The following ZNF112 variants were observed in gnomAD, a reference collection of about 807,000 sequenced individuals.
ZNF112 encodes the protein zinc finger protein 112 (Y14).
In ZNF112, 37 loss-of-function variants were observed where a neutral mutation model predicts 77.7. The ratio of observed to expected loss-of-function variants is 0.48; its 90% CI spans 0.37 to 0.63. ZNF112 has a LOEUF of 0.63. Among genes scored for constraint, ZNF112 ranks in the 20% least tolerant of loss-of-function variants. The pLI is 0.00. For synonymous variants in ZNF112, 333 were observed against 363.6 expected (o/e 0.92, Z 0.96); for missense variants, 950 against 1,077.4 (o/e 0.88, Z 1.66).
chr19:44,359,265 G>GCTGCAGTTGCTATTTC (rs1472352868), upstream of ZNF112, among the ~76,000 whole-genome samples: 1 of 146,100 alleles, frequency 6.8e-6, no homozygotes, highest in African/African-American at 2.5e-5. Flanking sequence ...GTTGCTGCTT[G>GCTGCAGTTGCTATTTC]CTGCAGTTGC....
chr19:44,335,634 A>G (rs1265050559), intron 3 of ZNF112, among the ~76,000 whole-genome samples: 4 of 152,192 alleles, frequency 2.6e-5, no homozygotes, highest in Non-Finnish European at 5.9e-5. Flanking sequence ...GGTGTAAGAA[A>G]AACAAAGACT....
intron 3 of ZNF112, among the ~76,000 whole-genome samples, chr19:44,334,061 A>G (rs2123154021): frequency 6.6e-6 from 1 of 152,330 alleles, no homozygotes; most frequent in South Asian, 2.1e-4. Flanking sequence ...GTGGTCTCAG[A>G]TGGAGATGAG....
At chr19:44,365,621 GATGAATTT>G (rs2123233777) in intron 1 of ZNF112, among the ~76,000 whole-genome samples, 1 of 152,160 alleles carries the variant, frequency 6.6e-6, no homozygotes, top group Non-Finnish European at 1.5e-5. Flanking sequence ...CATGTAAATT[GATGAATTT>G]ATGGACAAAG....
At chr19:44,352,968 ATAAATAAGC>A (rs1477835737) in intron 1 of ZNF112, among the ~76,000 whole-genome samples, 1 of 152,116 alleles carries the variant, frequency 6.6e-6, no homozygotes. Flanking sequence ...TTTGGTAGAT[ATAAATAAGC>A]TGATTCTAAA....
chr19:44,346,830 G>A (rs1568672292), intron 1 of ZNF112, among the ~76,000 whole-genome samples: 1 of 152,162 alleles, frequency 6.6e-6, no homozygotes, highest in Non-Finnish European at 1.5e-5. Flanking sequence ...ATAAGCAGCA[G>A]AAGCATCTGC....
At chr19:44,330,294 T>C (rs112614032) in intron 3 of ZNF112, among the ~76,000 whole-genome samples, 282 of 152,304 alleles carry the variant, frequency 1.9e-3, no homozygotes, top group Non-Finnish European at 2.2e-3. Flanking sequence ...TACAAAACAC[T>C]TCTGGTCCCA....
At chr19:44,343,134 TA>T in intron 1 of ZNF112, 1 of 1,089,870 alleles carries the variant, frequency 9.2e-7, no homozygotes, top group Non-Finnish European at 1.3e-6. Context: ...GCCTGATACA[TA>T]AATGATACTA....
intron 1 of ZNF112, among the ~76,000 whole-genome samples, chr19:44,345,498 C>T (rs1286695608): frequency 2.6e-5 from 4 of 152,154 alleles, no homozygotes; most frequent in South Asian, 4.1e-4. Flanking sequence ...CTCTGATCAC[C>T]TTTATCAAGC....
upstream of ZNF112, among the ~76,000 whole-genome samples, chr19:44,361,102 A>C (rs1349453338): frequency 6.6e-6 from 1 of 152,224 alleles, no homozygotes; most frequent in Non-Finnish European, 1.5e-5. Flanking sequence ...CAGTAGATGC[A>C]GTGTGATTCC....
intron 3 of ZNF112, among the ~76,000 whole-genome samples, chr19:44,331,273 C>G (rs1002135280): frequency 1.3e-5 from 2 of 152,284 alleles, no homozygotes; most frequent in Non-Finnish European, 1.5e-5. Flanking sequence ...CTCTGAGGTG[C>G]TCATTAGCCA....
At chr19:44,336,148 C>A (rs1970361285) in intron 3 of ZNF112, among the ~76,000 whole-genome samples, 1 of 152,078 alleles carries the variant, frequency 6.6e-6, no homozygotes, top group African/African-American at 2.4e-5. Context: ...TAATGGCTAC[C>A]CATCTATGAA....
rs1970167468 is a variant in ZNF112, at chr19:44,328,083, A to T, written c.2074T>A (p.Cys692Ser). ...TGEKPYQCDE[C>S]GKSFSQRSYL... ...GATCTCTGACTGAAACTCTTACCAC[A>T]CTCATCACATTGGTATGGCTTCTCT... The change falls in exon 4 of 4, where the codon TGT becomes AGT. Residue 692 changes from cysteine (C) to serine (S), a missense_variant. Transcript: ENST00000354340. 2 of 1,613,524 alleles carry T rather than the reference A, an allele frequency of 1.2e-6. No individual in the cohort carries two copies. Among genetic ancestry groups the T allele is most frequent in the African/African-American group, 1.3e-5 (1 of 74,736 alleles).
chr19:44,343,435 T>C lies in ZNF112; in HGVS notation c.-3-2893A>G, dbSNP rs374452129. The C allele has an allele frequency of 1.3e-5, 9 of 687,874 alleles. No individual in the cohort carries two copies. In the African/African-American group the frequency reaches 1.5e-4, roughly 11 times the overall value. 42.6% of individuals were successfully genotyped at this position (687,874 alleles called of 1,614,324 possible). ...CACCGGCGTTAAGGAGCAGGTAGCA[T>C]GGGTTGGATTCTAGCTACCACTTGG... On this transcript the variant is annotated intron_variant, in intron 1 of 3. Transcript: ENST00000354340.
rs1599904595 is a variant in ZNF112 at position 44,327,368 on chromosome 19, T to A, written c.*65A>T. The A allele has an allele frequency of 4.4e-6, 6 of 1,351,846 alleles. No homozygotes were observed. Among genetic ancestry groups the A allele is most frequent in the Non-Finnish European group, 6.0e-6 (6 of 1,004,160 alleles). The allele number at this position is 1,351,846 out of a possible 1,614,324, so 83.7% of individuals were successfully genotyped here. A position where few individuals can be genotyped will look rare whatever the true frequency, so the allele number is the denominator to read the frequency against. ...GGCAGCAACATTACATTTTAATTTT[T>A]AAAAATTCTTTTTCTACTGAAAGAA... On this transcript the variant is annotated 3_prime_UTR_variant, in exon 4 of 4. Coordinates refer to ENST00000354340, the MANE Select transcript of ZNF112 (RefSeq NM_013380.4).
At chr19:44,360,047 G>A (rs1450216203), upstream of ZNF112, among the ~76,000 whole-genome samples, 3 of 151,676 alleles carry the variant, frequency 2.0e-5, no homozygotes, top group African/African-American at 7.3e-5. Flanking sequence ...ATGAGATCAG[G>A]AGATCCAGAC....
chr19:44,366,765 A>C (rs1970908978), intron 1 of ZNF112, among the ~76,000 whole-genome samples: 1 of 151,864 alleles, frequency 6.6e-6, no homozygotes, highest in African/African-American at 2.4e-5. Flanking sequence ...AGGCTCATAG[A>C]AGCTTTCAGG....
At chr19:44,331,374 G>A (rs369607506) in intron 3 of ZNF112, among the ~76,000 whole-genome samples, 16 of 152,298 alleles carry the variant, frequency 1.1e-4, no homozygotes, top group East Asian at 5.8e-4. Flanking sequence ...ACCAGAAAGG[G>A]TTGAAGACAG....
chr19:44,333,049 T>C (rs1435573444), intron 3 of ZNF112, among the ~76,000 whole-genome samples: 1 of 152,216 alleles, frequency 6.6e-6, no homozygotes, highest in Non-Finnish European at 1.5e-5. Flanking sequence ...TGACAAAAGA[T>C]GCCGAAGACA....
chr19:44,349,181 T>C (rs550733064), intron 1 of ZNF112, among the ~76,000 whole-genome samples: 28 of 152,228 alleles, frequency 1.8e-4, no homozygotes, highest in African/African-American at 6.0e-4. Context: ...ACAGAGTTCA[T>C]AGGTGGCACT....
Sources: allele counts gnomAD v4.1 joint callset (sites outside exome capture counted in the v4.1 genomes callset), GRCh38; gene constraint gnomAD v4.1.1; transcripts MANE v1.5; gene names NCBI Gene and HGNC (gene_info 2026-07-23, HGNC 2026-07-21).